Variants in SLC10A7 observed in about 807,000 individuals in gnomAD.
SLC10A7 encodes solute carrier family 10 member 7, also known as sodium/bile acid cotransporter 7.
A neutral mutation model predicts 43.2 loss-of-function variants in SLC10A7; 29 were observed. That is an observed-to-expected ratio of 0.67 (90% CI 0.50 to 0.92). SLC10A7 has a LOEUF of 0.92. Among genes scored for constraint, SLC10A7 ranks in the 40% least tolerant of loss-of-function variants. SLC10A7 has a pLI of 0.00. For synonymous variants in SLC10A7, 152 were observed against 144.8 expected, an observed-to-expected ratio of 1.05 and a Z score of -0.35; for missense variants, 295 against 403.2, an observed-to-expected ratio of 0.73 and a Z score of 2.30.
chr4:146,426,083 A>G (rs970222969), intron 5 of SLC10A7, among the ~76,000 whole-genome samples: 1 of 152,196 alleles, frequency 6.6e-6, no homozygotes, highest in African/African-American at 2.4e-5. Flanking sequence ...ATGTATGATT[A>G]ATGTGAGTCT....
intron 3 of SLC10A7, 126 bp downstream of exon 3, chr4:146,509,787 G>T: frequency 2.6e-6 from 2 of 771,350 alleles, no homozygotes; most frequent in Non-Finnish European, 3.9e-6. Context: ...GGAAAACAAA[G>T]ATGTGTTTTT....
At position 146,393,191 on chromosome 4, in the gene SLC10A7, C is replaced by CAAAA. The variant is rs765135958; in HGVS notation, c.435+49588_435+49591dup. On this transcript the variant is annotated intron_variant, in intron 5 of 11. Transcript: ENST00000335472. ...TGGATGACAGAGCAAGGCCCTGTCT[C>CAAAA]AAAAAAAAAAAAAAAAAAAAAAAAA... Among the ~76,000 whole-genome samples, 43 of 42,076 alleles carry CAAAA rather than the reference C, an allele frequency of 1.0e-3. 5 individuals are homozygous for CAAAA. Among genetic ancestry groups the CAAAA allele is most frequent in the African/African-American group, 3.3e-3 (35 of 10,624 alleles). 27.6% of individuals were successfully genotyped at this position (42,076 alleles called of 152,430 possible).
At chr4:146,378,502 G>A (rs1244536594) in intron 5 of SLC10A7, among the ~76,000 whole-genome samples, 14 of 152,152 alleles carry the variant, frequency 9.2e-5, no homozygotes. Flanking sequence ...AGACTGGAAT[G>A]ATTTCATGAA....
chr4:146,289,115 C>G (rs1425962226), intron 9 of SLC10A7, among the ~76,000 whole-genome samples: 1 of 152,200 alleles, frequency 6.6e-6, no homozygotes, highest in Non-Finnish European at 1.5e-5. Flanking sequence ...TGTTTTGTCT[C>G]TGCTCGTTTT....
At chr4:146,314,888 T>A (rs1732222812) in intron 6 of SLC10A7, among the ~76,000 whole-genome samples, 1 of 152,154 alleles carries the variant, frequency 6.6e-6, no homozygotes, top group African/African-American at 2.4e-5. Flanking sequence ...CTTGAGCTCA[T>A]GACAACACCA....
chr4:146,331,213 T>C (rs1733509277), intron 5 of SLC10A7, among the ~76,000 whole-genome samples: 1 of 152,138 alleles, frequency 6.6e-6, no homozygotes, highest in Non-Finnish European at 1.5e-5. Flanking sequence ...ATCTCACTTA[T>C]TAACAATTGA....
chr4:146,366,180 T>C (rs1736378561), intron 5 of SLC10A7, among the ~76,000 whole-genome samples: 1 of 152,206 alleles, frequency 6.6e-6, no homozygotes, highest in African/African-American at 2.4e-5. Flanking sequence ...TGCTCTTCAG[T>C]AAAAGTCAGA....
chr4:146,421,708 C>G (rs554710856), intron 5 of SLC10A7, among the ~76,000 whole-genome samples: 8 of 152,112 alleles, frequency 5.3e-5, no homozygotes, highest in Admixed American at 2.0e-4. Context: ...TACCAGGTAC[C>G]GTATTTGCCA....
In SLC10A7 at chr4:146,475,978, G is replaced by A. The variant is rs147336097; in HGVS notation, c.396+27871C>T. On this transcript the variant is annotated intron_variant, in intron 4 of 11. Coordinates refer to ENST00000335472, the MANE Select transcript of SLC10A7 (RefSeq NM_001029998.6). ...CATTATGCATTAAGCTGCTAAAGGT[G>A]TTTTTAGAAAGAGATCTGAATTGCC... Among the ~76,000 whole-genome samples the A allele has an allele frequency of 4.5e-3, 692 of 152,278 alleles. 1 individual carries two copies. Among genetic ancestry groups the A allele is most frequent in the African/African-American group, 0.015 (644 of 41,550 alleles).
At chr4:146,262,081 T>A (rs1189801060) in intron 10 of SLC10A7, among the ~76,000 whole-genome samples, 12 of 152,248 alleles carry the variant, frequency 7.9e-5, no homozygotes, top group Non-Finnish European at 1.3e-4. Flanking sequence ...CATTCAATTA[T>A]CTACTTTCCT....
chr4:146,326,327 T>C (rs971850613), intron 5 of SLC10A7, among the ~76,000 whole-genome samples: 4 of 152,212 alleles, frequency 2.6e-5, no homozygotes, highest in Admixed American at 6.5e-5. Context: ...TCCAAGGCTT[T>C]CAACTCTAAC....
intron 5 of SLC10A7, among the ~76,000 whole-genome samples, chr4:146,348,413 C>G (rs1284316118): frequency 6.6e-6 from 1 of 152,040 alleles, no homozygotes; most frequent in Non-Finnish European, 1.5e-5. Flanking sequence ...AGTTATTCTC[C>G]CTTTCTCTAG....
chr4:146,409,177 TC>T (rs1727952252), intron 5 of SLC10A7, among the ~76,000 whole-genome samples: 1 of 152,108 alleles, frequency 6.6e-6, no homozygotes, highest in Admixed American at 6.6e-5. Flanking sequence ...TCTCAAGCTA[TC>T]TATAAACATA....
At chr4:146,260,905 C>T (rs781489633) in intron 10 of SLC10A7, among the ~76,000 whole-genome samples, 3 of 152,172 alleles carry the variant, frequency 2.0e-5, no homozygotes, top group Non-Finnish European at 2.9e-5. Flanking sequence ...CACACCAGGA[C>T]GTCCCTGTGA....
intron 6 of SLC10A7, among the ~76,000 whole-genome samples, chr4:146,325,177 T>A (rs1733016516): frequency 6.6e-6 from 1 of 152,236 alleles, no homozygotes; most frequent in African/African-American, 2.4e-5. Flanking sequence ...ACATCCCCAC[T>A]ACATTTCAGT....
In SLC10A7 at chr4:146,292,969, G is replaced by A. The variant is rs777178582; in HGVS notation, c.733C>T (p.Gln245Ter). 1 of 1,586,516 alleles carries A rather than the reference G, an allele frequency of 6.3e-7. No individual in the cohort carries two copies. Among genetic ancestry groups the A allele is most frequent in the South Asian group, 1.1e-5 (1 of 88,880 alleles). ...VLILFIIFSI[Q>*]LSFMLLTFIF... ...AAAGTTAAAAGCATAAAACTCAGCT[G>A]GATAGAAAATACTGAAGAAAAAAAG... Residue 245 changes from glutamine to a stop codon, truncating the protein, a stop_gained, in exon 9 of 12, where the codon CAG becomes TAG. Coordinates refer to ENST00000335472, the MANE Select transcript of SLC10A7 (RefSeq NM_001029998.6). LOFTEE classifies it high-confidence loss of function.
At chr4:146,474,404 A>C (rs1733860954) in intron 4 of SLC10A7, among the ~76,000 whole-genome samples, 1 of 152,170 alleles carries the variant, frequency 6.6e-6, no homozygotes, top group Non-Finnish European at 1.5e-5. Context: ...TAAGTATAGA[A>C]ACTTGACTTT....
At chr4:146,395,871 G>A (rs1738790200) in intron 5 of SLC10A7, among the ~76,000 whole-genome samples, 1 of 151,910 alleles carries the variant, frequency 6.6e-6, no homozygotes, top group South Asian at 2.1e-4. Flanking sequence ...GTTTTTCTTT[G>A]TTCAGTTTGA....
chr4:146,453,625 T>C (rs1731789298), intron 4 of SLC10A7, among the ~76,000 whole-genome samples: 1 of 152,022 alleles, frequency 6.6e-6, no homozygotes, highest in Admixed American at 6.6e-5. Context: ...TGGAATAACC[T>C]ACATTGTGCT....
Sources: allele counts gnomAD v4.1 joint callset (sites outside exome capture counted in the v4.1 genomes callset), GRCh38; gene constraint gnomAD v4.1.1; transcripts MANE v1.5; gene names NCBI Gene and HGNC (gene_info 2026-07-23, HGNC 2026-07-21).